The following BEND5 variants were observed in gnomAD, a reference collection of about 807,000 sequenced individuals.
The protein encoded by BEND5 is BEN domain-containing protein 5.
In BEND5, 22 loss-of-function variants were observed where a neutral mutation model predicts 43.9. The observed-to-expected ratio is 0.50, with a 90% CI of 0.36 to 0.72. The LOEUF is 0.72. BEND5 is among the 30% of genes least tolerant of loss of function. The pLI is 0.00. For synonymous variants in BEND5, 228 were observed against 225.9 expected (o/e 1.01, Z -0.08); for missense variants, 428 against 550.6 (o/e 0.78, Z 2.23).
chr1:48,754,292 T>C (rs943426809), intron 3 of BEND5, among the ~76,000 whole-genome samples: 7 of 152,100 alleles, frequency 4.6e-5, no homozygotes, highest in Non-Finnish European at 2.9e-5. Flanking sequence ...CTTCCCTTCA[T>C]CCCCTAAAAT....
chr1:48,767,857 C>T (rs1290361502), intron 1 of BEND5, among the ~76,000 whole-genome samples: 3 of 152,174 alleles, frequency 2.0e-5, no homozygotes, highest in Non-Finnish European at 1.5e-5. Context: ...TCCTTTTCCT[C>T]CTCCTTTCTA....
chr1:48,733,697 C>T (rs913932475), intron 5 of BEND5, among the ~76,000 whole-genome samples: 2 of 152,002 alleles, frequency 1.3e-5, no homozygotes, highest in African/African-American at 4.8e-5. Context: ...GACTATCTTA[C>T]GAGGTAAGAT....
At chr1:48,739,450 C>G in intron 4 of BEND5, among the ~76,000 whole-genome samples, 1 of 151,954 alleles carries the variant, frequency 6.6e-6, no homozygotes, top group East Asian at 1.9e-4. Flanking sequence ...CTTCATTTCT[C>G]TACTATATTC....
intron 5 of BEND5, among the ~76,000 whole-genome samples, chr1:48,729,774 G>T (rs1384740120): frequency 1.4e-5 from 2 of 147,508 alleles, no homozygotes; most frequent in Non-Finnish European, 2.9e-5. Flanking sequence ...TCTTTCCACC[G>T]AGAAGGGTTT....
At chr1:48,739,820 T>G (rs1246034955) in intron 4 of BEND5, among the ~76,000 whole-genome samples, 3 of 152,252 alleles carry the variant, frequency 2.0e-5, no homozygotes, top group Non-Finnish European at 4.4e-5. Context: ...CCCTACGTTT[T>G]CTTAAGCCTG....
chr1:48,759,322 G>C, intron 2 of BEND5, 38 bp from the exon 3 acceptor site: 1 of 1,537,136 alleles, frequency 6.5e-7, no homozygotes, highest in Non-Finnish European at 8.8e-7. Flanking sequence ...GGCAAGGGCA[G>C]CTGGGATTTT....
Position 48,758,971 on chromosome 1 carries a change from A to G in BEND5, c.674T>C (p.Val225Ala). 1.2e-6 allele frequency: 2 copies of G among 1,608,208 alleles called. No homozygotes were observed. Among genetic ancestry groups the G allele is most frequent in the South Asian group, 2.2e-5 (2 of 90,260 alleles). The change falls in exon 3 of 6, where the codon GTG becomes GCG. Residue 225 changes from valine to alanine, a missense_variant. By Grantham distance (64) the Val-to-Ala change is moderately conservative. Coordinates refer to ENST00000371833, the MANE Select transcript of BEND5 (RefSeq NM_024603.4). ...GTCACGGAGCTCCTTCATTTCAGAC[A>G]CAAGTGCCCCGTACTCCTTGAGCTT... ...AKKLKEYGALVSEMKELRDLN... is the reference protein window; with the variant it reads ...AKKLKEYGALASEMKELRDLN...
intron 1 of BEND5, among the ~76,000 whole-genome samples, chr1:48,766,717 G>C (rs1007306450): frequency 6.6e-6 from 1 of 152,172 alleles, no homozygotes; most frequent in Non-Finnish European, 1.5e-5. Flanking sequence ...GGGGGATTTC[G>C]AGGCTCCTCT....
In BEND5 at chr1:48,767,722, G is replaced by A. The variant is rs545250511; in HGVS notation, c.227-6252C>T. On this transcript the variant is annotated intron_variant, in intron 1 of 5. Coordinates refer to ENST00000371833, the MANE Select transcript of BEND5 (RefSeq NM_024603.4). ...TCTGTGCAACTACTCTAACCTTGAGGCCAAATAATCAGTTTTAGTGTAAAC... is the reference window on the plus strand; with the variant it reads ...TCTGTGCAACTACTCTAACCTTGAGACCAAATAATCAGTTTTAGTGTAAAC... Among the ~76,000 whole-genome samples, 26 of 152,288 alleles carry A rather than the reference G, an allele frequency of 1.7e-4. 1 individual carries two copies. The South Asian group carries it at 5.4e-3, about 32-fold the overall frequency.
chr1:48,752,391 T>C (rs962964695), intron 3 of BEND5, among the ~76,000 whole-genome samples: 1 of 152,196 alleles, frequency 6.6e-6, no homozygotes, highest in Non-Finnish European at 1.5e-5. Context: ...GATGGGAAGA[T>C]GGAATTCTGC....
chr1:48,773,937 T>C (rs1381085505), intron 1 of BEND5, among the ~76,000 whole-genome samples: 2 of 152,232 alleles, frequency 1.3e-5, no homozygotes, highest in African/African-American at 4.8e-5. Context: ...GATTGTAATT[T>C]GATAAGTAGT....
chr1:48,735,621 C>T (rs1192650073), intron 5 of BEND5, among the ~76,000 whole-genome samples: 1 of 152,020 alleles, frequency 6.6e-6, no homozygotes, highest in Non-Finnish European at 1.5e-5. Context: ...ACAAATGACT[C>T]CCTGTCTCTT....
rs976676438 is a variant in BEND5, at chr1:48,749,694, T to C, written c.746-6923A>G. On this transcript the variant is annotated intron_variant, in intron 3 of 5. Transcript: ENST00000371833. ...CATGAGGGGTGCGGTGGAAGGGGAA[T>C]AGGTTGTCACCTCTAGAAGCTCTGA... 2.6e-5 allele frequency among the ~76,000 whole-genome samples: 4 copies of C among 152,168 alleles called. No individual in the cohort carries two copies. The East Asian group carries it at 7.7e-4, about 29-fold the overall frequency.
intron 5 of BEND5, among the ~76,000 whole-genome samples, chr1:48,730,906 T>G (rs1462624732): frequency 6.6e-6 from 1 of 152,214 alleles, no homozygotes; most frequent in Non-Finnish European, 1.5e-5. Flanking sequence ...TAGGTTTAAC[T>G]GTCATTCTGG....
Position 48,742,725 on chromosome 1 carries a change from G to C in BEND5, c.792C>G (p.Pro264=). 1.2e-6 allele frequency: 2 copies of C among 1,609,120 alleles called. No homozygotes were observed. Among genetic ancestry groups the C allele is most frequent in the Non-Finnish European group, 1.7e-6 (2 of 1,177,546 alleles). Residue 264 remains proline, a synonymous_variant, in exon 4 of 6, where the codon CCC becomes CCG. Coordinates refer to ENST00000371833, the MANE Select transcript of BEND5 (RefSeq NM_024603.4). ...LEKVKSECLE[P]EPELRSTFSE... ...TGAAAGTGCTCCGTAACTCCGGCTCGGGCTCGAGACATTCTGACTTTACTT... is the reference window on the plus strand; with the variant it reads ...TGAAAGTGCTCCGTAACTCCGGCTCCGGCTCGAGACATTCTGACTTTACTT...
At position 48,736,477 on chromosome 1, in the gene BEND5, C is replaced by A. The variant is rs1378403791; in HGVS notation, c.895-25G>T. 3 of 1,603,322 alleles carry A rather than the reference C, an allele frequency of 1.9e-6. No individual in the cohort carries two copies. The highest frequency in any genetic ancestry group is 2.6e-6 in the Non-Finnish European group (3 of 1,170,918). On this transcript the variant is annotated intron_variant, in intron 4 of 5. Transcript: ENST00000371833. This position sits in a 1 kb window ranked among gnomAD's most constrained non-coding sequence, Gnocchi z 4.0. Reference sequence around the variant, plus strand: ...CCTGAGAGGAATAAGAACACCAGCACCTGTTTAGTCCGACAGGAGGGCAGT... The same window carrying A: ...CCTGAGAGGAATAAGAACACCAGCAACTGTTTAGTCCGACAGGAGGGCAGT...
At chr1:48,774,750 A>G (rs1644994044) in intron 1 of BEND5, among the ~76,000 whole-genome samples, 1 of 152,202 alleles carries the variant, frequency 6.6e-6, no homozygotes, top group Admixed American at 6.5e-5. Context: ...GGGAGCTGCC[A>G]TCTGCCTAAG....
chr1:48,742,686 A>G lies in BEND5; in HGVS notation c.831T>C (p.Asn277=), dbSNP rs1189076626. 3.1e-6 allele frequency: 5 copies of G among 1,611,586 alleles called. No individual in the cohort carries two copies. The highest frequency in any genetic ancestry group is 3.4e-5 in the Admixed American group (2 of 59,632). ...ELRSTFSEEA[N]TSSYYPAPAP... is the part of the protein sequence containing the mutation. The stretch of plus-strand genomic sequence containing the variant: ...CAGGAGCGGGGTAATAGGACGACGT[A>G]TTTGCTTCCTCACTGAAAGTGCTCC... Residue 277 remains asparagine (N), a synonymous_variant, in exon 4 of 6, where the codon AAT becomes AAC. Transcript: ENST00000371833.
In BEND5 at chr1:48,736,604, A is replaced by G. The variant is rs1212059568; in HGVS notation, c.895-152T>C. 4.4e-6 allele frequency: 3 copies of G among 685,270 alleles called. No homozygotes were observed. Among genetic ancestry groups the G allele is most frequent in the East Asian group, 2.7e-5 (1 of 37,184 alleles). The allele number at this position is 685,270 out of a possible 1,614,324, so 42.4% of individuals were successfully genotyped here. ...CTCTTTAAGGGTAATCGTAATAGCT[A>G]TCATCTACTGAATACGTGTAGTGTG... On this transcript the variant is annotated intron_variant, in intron 4 of 5. Transcript: ENST00000371833. This position sits in a 1 kb window ranked among gnomAD's most constrained non-coding sequence, Gnocchi z 4.0.
Sources: allele counts gnomAD v4.1 joint callset (sites outside exome capture counted in the v4.1 genomes callset), GRCh38; gene constraint gnomAD v4.1.1; non-coding constraint Gnocchi (gnomAD v3.1); transcripts MANE v1.5; gene names NCBI Gene and HGNC (gene_info 2026-07-23, HGNC 2026-07-21).